Variants in SLC39A10 observed in about 807,000 individuals in gnomAD.
SLC39A10 encodes solute carrier family 39 member 10.
SLC39A10 carries 13 observed loss-of-function variants against 65.1 expected under a neutral mutation model. The observed-to-expected ratio is 0.20, with a 90% CI of 0.13 to 0.32. The LOEUF (loss-of-function observed/expected upper bound fraction) is 0.32. Ranked by LOEUF, SLC39A10 falls within the 10% of genes least tolerant of loss-of-function variation. SLC39A10 has a pLI of 1.00. For synonymous variants in SLC39A10, 321 were observed against 342.2 expected (o/e 0.94, Z 0.68); for missense variants, 831 against 1,018.4 (o/e 0.82, Z 2.50).
chr2:195,649,539 G>A (rs1688990294), intron 2 of SLC39A10, among the ~76,000 whole-genome samples: 1 of 152,150 alleles, frequency 6.6e-6, no homozygotes, highest in Non-Finnish European at 1.5e-5. Flanking sequence ...CTTATGTGAT[G>A]ACATTTTAAA....
Position 195,708,773 on chromosome 2 carries a change from C to G in SLC39A10, c.1504C>G (p.Leu502Val). Residue 502 changes from leucine to valine, a missense_variant, in exon 5 of 10, where the codon CTA becomes GTA. Leu to Val is a conservative substitution (Grantham distance 32, BLOSUM62 1). Transcript: ENST00000359634. Reference protein sequence around the residue: ...YDAVLKGLVALGGIYLLFIIE... With the variant: ...YDAVLKGLVAVGGIYLLFIIE... Reference sequence around the variant, plus strand: ...TGCTGTATTGAAAGGACTTGTTGCTCTAGGAGGCATTTACTTGCTATTTAT... The same window carrying G: ...TGCTGTATTGAAAGGACTTGTTGCTGTAGGAGGCATTTACTTGCTATTTAT... 5 of 1,613,196 alleles carry G rather than the reference C, an allele frequency of 3.1e-6. No individual in the cohort carries two copies. The highest frequency in any genetic ancestry group is 3.4e-6 in the Non-Finnish European group (4 of 1,179,620).
chr2:195,735,756 G>A lies in SLC39A10; in HGVS notation c.*715G>A, dbSNP rs1204318855. The A allele has an allele frequency of 6.6e-6, 1 of 150,898 alleles. No homozygotes were observed. Among genetic ancestry groups the A allele is most frequent in the Non-Finnish European group, 1.5e-5 (1 of 67,672 alleles). 9.3% of individuals were successfully genotyped at this position (150,898 alleles called of 1,614,324 possible). ...GGTTCTTTGTATTATTATAATACTTGGTGTTGGGGTGTTCTTTCTGTTTTG... is the reference window on the plus strand; with the variant it reads ...GGTTCTTTGTATTATTATAATACTTAGTGTTGGGGTGTTCTTTCTGTTTTG... On this transcript the variant is annotated 3_prime_UTR_variant, in exon 10 of 10. Transcript: ENST00000359634.
At chr2:195,712,151 A>T (rs1218523370) in intron 5 of SLC39A10, among the ~76,000 whole-genome samples, 1 of 152,248 alleles carries the variant, frequency 6.6e-6, no homozygotes, top group Non-Finnish European at 1.5e-5. Context: ...CCCTGTCTGC[A>T]TCTTAATGCT....
intron 3 of SLC39A10, among the ~76,000 whole-genome samples, chr2:195,691,219 A>G (rs1690729050): frequency 1.3e-5 from 2 of 151,852 alleles, no homozygotes; most frequent in Admixed American, 1.3e-4. Context: ...TCCATGGTAT[A>G]TATGTGTATC....
intron 2 of SLC39A10, among the ~76,000 whole-genome samples, chr2:195,633,633 T>C (rs989937859): frequency 3.9e-5 from 6 of 152,174 alleles, no homozygotes; most frequent in African/African-American, 9.7e-5. Context: ...GGAGGTTTTA[T>C]TGCCAATGGA....
At chr2:195,691,254 T>C (rs1380919208) in intron 3 of SLC39A10, among the ~76,000 whole-genome samples, 1 of 152,202 alleles carries the variant, frequency 6.6e-6, no homozygotes, top group Non-Finnish European at 1.5e-5. Flanking sequence ...ATTTTCTGTA[T>C]CCACTCGTTG....
chr2:195,723,894 C>T (rs577593466), intron 8 of SLC39A10, among the ~76,000 whole-genome samples: 1 of 152,124 alleles, frequency 6.6e-6, no homozygotes, highest in South Asian at 2.1e-4. Flanking sequence ...TGCACATGTA[C>T]CCCATGCTTC....
chr2:195,728,086 TTTG>T lies in SLC39A10; in HGVS notation c.2147-70_2147-68del, dbSNP rs2105844792. On this transcript the variant is annotated intron_variant, in intron 8 of 9. Coordinates refer to ENST00000359634, the MANE Select transcript of SLC39A10 (RefSeq NM_020342.3). This position sits in a 1 kb window ranked among gnomAD's most constrained non-coding sequence, Gnocchi z 4.4. ...GTGTATCTTTTTAATGCTGATTTTATTTGTTTTCTCCTTTCAGATTTGTGTTTT... is the reference window on the plus strand; with the variant it reads ...GTGTATCTTTTTAATGCTGATTTTATTTTTCTCCTTTCAGATTTGTGTTTT... 7.5e-7 allele frequency: 1 copy of T among 1,331,294 alleles called. No homozygotes were observed. The highest frequency in any genetic ancestry group is 1.5e-5 in the African/African-American group (1 of 68,480). The allele number at this position is 1,331,294 out of a possible 1,614,324, so 82.5% of individuals were successfully genotyped here. A position where few individuals can be genotyped will look rare whatever the true frequency, so the allele number is the denominator to read the frequency against.
intron 1 of SLC39A10, chr2:195,658,405 A>G (rs1457210542): frequency 2.7e-5 from 4 of 150,644 alleles, no homozygotes; most frequent in African/African-American, 9.7e-5. Flanking sequence ...CACATGTTAG[A>G]AAAAAACAAA....
chr2:195,623,606 A>G (rs1423548052), intron 2 of SLC39A10, among the ~76,000 whole-genome samples: 1 of 152,206 alleles, frequency 6.6e-6, no homozygotes, highest in East Asian at 1.9e-4. Context: ...GAGGCAATCC[A>G]TTAATTGGAT....
At chr2:195,672,533 A>G (rs1010719861) in intron 1 of SLC39A10, among the ~76,000 whole-genome samples, 7 of 152,248 alleles carry the variant, frequency 4.6e-5, no homozygotes, top group African/African-American at 1.4e-4. Flanking sequence ...GCACAGGTTT[A>G]GTATTACCTC....
At chr2:195,713,329 G>A (rs1322311651) in intron 5 of SLC39A10, 104 bp from the exon 6 acceptor site, 1 of 925,404 alleles carries the variant, frequency 1.1e-6, no homozygotes, top group African/African-American at 1.8e-5. Context: ...TATATATAAA[G>A]TTAACACCAT....
chr2:195,735,109 G>A lies in SLC39A10; in HGVS notation c.*68G>A. 6.8e-7 allele frequency: 1 copy of A among 1,462,932 alleles called. No homozygotes were observed. The highest frequency in any genetic ancestry group is 2.5e-5 in the East Asian group (1 of 40,780). The allele number at this position is 1,462,932 out of a possible 1,614,324, so 90.6% of individuals were successfully genotyped here. On this transcript the variant is annotated 3_prime_UTR_variant, in exon 10 of 10. Coordinates refer to ENST00000359634, the MANE Select transcript of SLC39A10 (RefSeq NM_020342.3). ...CAGCTTTGCATCTGTTCCTTGTACT[G>A]TATGCACATTGCTCAAAGGAAAGTC...
chr2:195,638,491 C>T (rs1212404665), intron 2 of SLC39A10, among the ~76,000 whole-genome samples: 2 of 152,122 alleles, frequency 1.3e-5, no homozygotes, highest in East Asian at 3.9e-4. Flanking sequence ...AGGCACCTGC[C>T]ACCACACTCG....
intron 1 of SLC39A10, among the ~76,000 whole-genome samples, chr2:195,662,267 G>T (rs1689435533): frequency 6.7e-6 from 1 of 149,876 alleles, no homozygotes; most frequent in South Asian, 2.1e-4. Flanking sequence ...TCCTACTGTG[G>T]TGTTCCCTTT....
chr2:195,666,840 C>T (rs1257816792), intron 1 of SLC39A10, among the ~76,000 whole-genome samples: 1 of 152,206 alleles, frequency 6.6e-6, no homozygotes, highest in Non-Finnish European at 1.5e-5. Context: ...GACATCCCAA[C>T]GACTGCATTT....
chr2:195,692,606 G>T (rs1690789369), intron 3 of SLC39A10, among the ~76,000 whole-genome samples: 1 of 152,114 alleles, frequency 6.6e-6, no homozygotes, highest in African/African-American at 2.4e-5. Context: ...TGTAGCTATT[G>T]TAAAGGGCGT....
At chr2:195,642,210 A>G (rs1688824774) in intron 2 of SLC39A10, among the ~76,000 whole-genome samples, 1 of 152,224 alleles carries the variant, frequency 6.6e-6, no homozygotes, top group South Asian at 2.1e-4. Context: ...GAAGCCAACT[A>G]GGCCATAGAT....
intron 5 of SLC39A10, among the ~76,000 whole-genome samples, chr2:195,710,683 A>G (rs1282651665): frequency 6.6e-6 from 1 of 152,218 alleles, no homozygotes; most frequent in Non-Finnish European, 1.5e-5. Flanking sequence ...TTTTAGTTAT[A>G]TTTAGTCAGG....
Sources: gnomAD v4.1 joint callset for allele counts (sites outside exome capture counted in the v4.1 genomes callset) on GRCh38, gnomAD v4.1.1 for gene constraint, Gnocchi (gnomAD v3.1) non-coding constraint, MANE v1.5 for transcripts, NCBI Gene and HGNC (gene_info 2026-07-23, HGNC 2026-07-21) for gene names.